DNAAF3: variants seen among roughly 807,000 people sequenced by gnomAD.
DNAAF3 encodes the protein UPF0470 protein C19orf51.
In DNAAF3, 40 loss-of-function variants were observed where a neutral mutation model predicts 50.9. That is an observed-to-expected ratio of 0.79 (90% CI 0.61 to 1.02). The LOEUF (loss-of-function observed/expected upper bound fraction) is 1.02, where lower values mean the gene tolerates loss of function less well. DNAAF3 is among the 50% of genes least tolerant of loss of function. The probability of loss-of-function intolerance (pLI) is 0.00; values close to 1 mark genes in which losing one functional copy is unlikely to be tolerated. For missense variants in DNAAF3, 763 were observed against 744.7 expected (o/e 1.02, Z -0.29); for synonymous variants, 327 against 322.8 (o/e 1.01, Z -0.14).
Position 55,166,271 on chromosome 19 carries a change from CCGT to C in DNAAF3, c.85+55_85+57del. Reference sequence around the variant, plus strand: ...CGCTGGGACTACGAGCTCTAAAAGGCCGTCTGCTCAGGCTGGGAAGGCAGACGG... The same window carrying C: ...CGCTGGGACTACGAGCTCTAAAAGGCCTGCTCAGGCTGGGAAGGCAGACGG... On this transcript the variant is annotated intron_variant, in intron 2 of 11. Transcript: ENST00000524407. The surrounding 1 kb of genome is among the most constrained non-coding windows in gnomAD (Gnocchi z 4.0). 1 of 1,589,322 alleles carries C rather than the reference CCGT, an allele frequency of 6.3e-7. No individual in the cohort carries two copies. The highest frequency in any genetic ancestry group is 1.8e-5 in the Admixed American group (1 of 55,860).
At chr19:55,164,003 G>GT (rs2085891614) in intron 4 of DNAAF3, among the ~76,000 whole-genome samples, 1 of 152,132 alleles carries the variant, frequency 6.6e-6, no homozygotes, top group African/African-American at 2.4e-5. Flanking sequence ...TCTCGTGATA[G>GT]TGAGTTCCCA....
At position 55,165,870 on chromosome 19, in the gene DNAAF3, G is replaced by A; in HGVS notation, c.216C>T (p.Arg72=). ...CATCCCAGCTCACGTTGAACCTCCT[G>A]CGAGGCCAGAACTTCGCTCGGGACA... ...RTLSRAKFWP[R]RRFNFFVLEN... The change falls in exon 3 of 12, where the codon CGC becomes CGT. Residue 72 remains arginine, a synonymous_variant. Coordinates refer to ENST00000524407, the MANE Select transcript of DNAAF3 (RefSeq NM_001256715.2). 6.2e-7 allele frequency: 1 copy of A among 1,614,086 alleles called. No homozygotes were observed. The highest frequency in any genetic ancestry group is 8.5e-7 in the Non-Finnish European group (1 of 1,180,016).
At position 55,166,350 on chromosome 19, in the gene DNAAF3, CCGG is replaced by C; in HGVS notation, c.61_63del (p.Pro21del). The C allele has an allele frequency of 6.2e-7, 1 of 1,613,692 alleles. No individual in the cohort carries two copies. The highest frequency in any genetic ancestry group is 8.5e-7 in the Non-Finnish European group (1 of 1,179,874). ...TCACTTTCAGCCTGCAGGTCCAGCG[CCGG>C]GGACAGGCCCCACCAGGACACGGAG... On this transcript the variant is annotated inframe_deletion, in exon 2 of 12. Transcript: ENST00000524407. The surrounding 1 kb of genome is among the most constrained non-coding windows in gnomAD (Gnocchi z 4.0).
chr19:55,161,505 C>T lies in DNAAF3; in HGVS notation c.664-87G>A. On this transcript the variant is annotated intron_variant, in intron 6 of 11. Coordinates refer to ENST00000524407, the MANE Select transcript of DNAAF3 (RefSeq NM_001256715.2). The surrounding 1 kb of genome is among the most constrained non-coding windows in gnomAD (Gnocchi z 6.4). The stretch of plus-strand genomic sequence containing the variant: ...CCAGCCTCCCTCAGACCCAGGAGTC[C>T]AGGTCCCCAGGCCCTCCTCCCTCAG... 1 of 1,510,100 alleles carries T rather than the reference C, an allele frequency of 6.6e-7. No individual in the cohort carries two copies. Among genetic ancestry groups the T allele is most frequent in the Non-Finnish European group, 8.8e-7 (1 of 1,131,912 alleles). The allele number at this position is 1,510,100 out of a possible 1,614,324, so 93.5% of individuals were successfully genotyped here. A position where few individuals can be genotyped will look rare whatever the true frequency, so the allele number is the denominator to read the frequency against.
chr19:55,165,917 C>G lies in DNAAF3; in HGVS notation c.169G>C (p.Gly57Arg), dbSNP rs751249317. ...GACAGGGTCCGCAGCAGGTGCCGTC[C>G]ATCCACAGAGCCCAGAAGCAGCACA... ...LDVLLLGSVD[G>R]RHLLRTLSRA... Residue 57 changes from glycine (G) to arginine (R), a missense_variant, in exon 3 of 12, where the codon GGA becomes CGA. Coordinates refer to ENST00000524407, the MANE Select transcript of DNAAF3 (RefSeq NM_001256715.2). The G allele has an allele frequency of 6.2e-7, 1 of 1,614,240 alleles. No individual in the cohort carries two copies. Among genetic ancestry groups the G allele is most frequent in the African/African-American group, 1.3e-5 (1 of 75,062 alleles).
chr19:55,162,474 T>G lies in DNAAF3; in HGVS notation c.323-184A>C, dbSNP rs1241389233. ...TGGTGGCGGGCGCCTGTAATCCCAG[T>G]TACTCGGGAGGCTGAGGCAGGAGAA... On this transcript the variant is annotated intron_variant, in intron 4 of 11. Transcript: ENST00000524407. 5.9e-6 allele frequency: 5 copies of G among 854,468 alleles called. No individual in the cohort carries two copies. The Admixed American group carries it at 2.2e-4, about 38-fold the overall frequency. The allele number at this position is 854,468 out of a possible 1,614,324, so 52.9% of individuals were successfully genotyped here. A position where few individuals can be genotyped will look rare whatever the true frequency, so the allele number is the denominator to read the frequency against.
Position 55,161,988 on chromosome 19 carries a change from A to G in DNAAF3, c.480+145T>C. The G allele has an allele frequency of 7.4e-7, 1 of 1,346,826 alleles. No homozygotes were observed. The highest frequency in any genetic ancestry group is 9.5e-7 in the Non-Finnish European group (1 of 1,047,920). The allele number at this position is 1,346,826 out of a possible 1,614,324, so 83.4% of individuals were successfully genotyped here. A position where few individuals can be genotyped will look rare whatever the true frequency, so the allele number is the denominator to read the frequency against. On this transcript the variant is annotated intron_variant, in intron 5 of 11. Transcript: ENST00000524407. The surrounding 1 kb of genome is among the most constrained non-coding windows in gnomAD (Gnocchi z 6.4). ...AAAGCAGAAGCCACCTCCTGCCCCC[A>G]GGCCAAATCCCACAGTGGGAGTCGG...
rs200324983 is a variant in DNAAF3, at chr19:55,159,889, C to A, written c.1163+10G>T. 5,459 of 1,613,046 alleles carry A rather than the reference C, an allele frequency of 3.4e-3. 19 individuals carry two copies. The highest frequency in any genetic ancestry group is 4.2e-3 in the Non-Finnish European group (4,922 of 1,179,312). On this transcript the variant is annotated intron_variant, in intron 10 of 11. Transcript: ENST00000524407. ...TGGGTCTTTGTGAGCACAGCTGCCT[C>A]CCCGCTTACCCACAGGCCACATAGA...
rs554543496 is a variant in DNAAF3 at position 55,161,600 on chromosome 19, A to C, written c.663+43T>G. ...AGGCCCCCAGCCCCTCCTCCCTCAGACCCAGGGGTCCAGGCCCCCAGCCCC... is the reference window on the plus strand; with the variant it reads ...AGGCCCCCAGCCCCTCCTCCCTCAGCCCCAGGGGTCCAGGCCCCCAGCCCC... On this transcript the variant is annotated intron_variant, in intron 6 of 11. Coordinates refer to ENST00000524407, the MANE Select transcript of DNAAF3 (RefSeq NM_001256715.2). The surrounding 1 kb of genome is among the most constrained non-coding windows in gnomAD (Gnocchi z 6.4). 1,019 of 1,503,540 alleles carry C rather than the reference A, an allele frequency of 6.8e-4. 1 individual carries two copies. The highest frequency in any genetic ancestry group is 8.0e-4 in the Non-Finnish European group (907 of 1,127,904). 93.1% of individuals were successfully genotyped at this position (1,503,540 alleles called of 1,614,324 possible). A position where few individuals can be genotyped will look rare whatever the true frequency, so the allele number is the denominator to read the frequency against.
rs1253487279 is a variant in DNAAF3, at chr19:55,161,374, T to C, written c.708A>G (p.Thr236=). 3.3e-6 allele frequency: 5 copies of C among 1,521,278 alleles called. No individual in the cohort carries two copies. The highest frequency in any genetic ancestry group is 4.4e-6 in the Non-Finnish European group (5 of 1,124,162). 94.2% of individuals were successfully genotyped at this position (1,521,278 alleles called of 1,614,324 possible). A position where few individuals can be genotyped will look rare whatever the true frequency, so the allele number is the denominator to read the frequency against. Residue 236 remains threonine, a synonymous_variant, in exon 7 of 12, where the codon ACA becomes ACG. Transcript: ENST00000524407. The surrounding 1 kb of genome is among the most constrained non-coding windows in gnomAD (Gnocchi z 6.4). ...HPQEFRRWRD[T]GVAFELRDSS... Reference sequence around the variant, plus strand: ...AGTCCCTGAGTTCAAAGGCGACGCCTGTGTCCCGCCAGCGTCGGAACTCCT... The same window carrying C: ...AGTCCCTGAGTTCAAAGGCGACGCCCGTGTCCCGCCAGCGTCGGAACTCCT...
Position 55,166,260 on chromosome 19 carries a change from G to A in DNAAF3, c.85+69C>T. ...CTTGCCACCGACGCTGGGACTACGA[G>A]CTCTAAAAGGCCGTCTGCTCAGGCT... is the stretch of plus-strand genomic sequence containing the variant. On this transcript the variant is annotated intron_variant, in intron 2 of 11. Transcript: ENST00000524407. The surrounding 1 kb of genome is among the most constrained non-coding windows in gnomAD (Gnocchi z 4.0). 4.4e-6 allele frequency: 7 copies of A among 1,576,006 alleles called. No individual in the cohort carries two copies. Among genetic ancestry groups the A allele is most frequent in the Non-Finnish European group, 6.0e-6 (7 of 1,160,652 alleles).
Position 55,161,966 on chromosome 19 carries a change from G to C in DNAAF3, c.481-141C>G, listed in dbSNP as rs1250848676. 1.4e-5 allele frequency: 19 copies of C among 1,356,946 alleles called. No individual in the cohort carries two copies. Among genetic ancestry groups the C allele is most frequent in the South Asian group, 1.7e-5 (1 of 59,742 alleles). The allele number at this position is 1,356,946 out of a possible 1,614,324, so 84.1% of individuals were successfully genotyped here. A position where few individuals can be genotyped will look rare whatever the true frequency, so the allele number is the denominator to read the frequency against. The stretch of plus-strand genomic sequence containing the variant: ...GGATGGAAAAACTGAGGCTCCGAAA[G>C]CAGAAGCCACCTCCTGCCCCCAGGC... On this transcript the variant is annotated intron_variant, in intron 5 of 11. Coordinates refer to ENST00000524407, the MANE Select transcript of DNAAF3 (RefSeq NM_001256715.2). This position sits in a 1 kb window ranked among gnomAD's most constrained non-coding sequence, Gnocchi z 6.4.
chr19:55,163,318 T>TA (rs2085877682), intron 4 of DNAAF3, among the ~76,000 whole-genome samples: 1 of 142,226 alleles, frequency 7.0e-6, no homozygotes, highest in Non-Finnish European at 1.5e-5. Context: ...GCTAATTTTT[T>TA]TTTTTTTTTT....
Position 55,159,377 on chromosome 19 carries a change from A to G in DNAAF3, c.1311T>C (p.Ala437=), listed in dbSNP as rs1192698483. 9 of 1,614,160 alleles carry G rather than the reference A, an allele frequency of 5.6e-6. No homozygotes were observed. Among genetic ancestry groups the G allele is most frequent in the Non-Finnish European group, 7.6e-6 (9 of 1,180,024 alleles). Residue 437 remains alanine, a synonymous_variant, in exon 12 of 12, where the codon GCT becomes GCC. Transcript: ENST00000524407. ...NTRVRELAQA[A]GFAPQTGARP... is the part of the protein sequence containing the mutation. ...TGGCCCCGGTCTGTGGAGCAAATCC[A>G]GCTGCCTGAGCTAGCTCCCTGACCC...
chr19:55,159,941 C>G lies in DNAAF3; in HGVS notation c.1121G>C (p.Ser374Thr), dbSNP rs756382837. 1 of 1,613,846 alleles carries G rather than the reference C, an allele frequency of 6.2e-7. No homozygotes were observed. The change falls in exon 10 of 12, where the codon AGC becomes ACC. Residue 374 changes from serine (S) to threonine (T), a missense_variant. Transcript: ENST00000524407. ...LNSAQTLHHKSCYNGRFQLLY... is the reference protein window; with the variant it reads ...LNSAQTLHHKTCYNGRFQLLY... ...GAGCTGGAATCGGCCGTTGTAGCAG[C>G]TCTTGTGGTGGAGAGTCTGAGCAGA...
At chr19:55,162,503 C>T in intron 4 of DNAAF3, 1 of 812,896 alleles carries the variant, frequency 1.2e-6, no homozygotes, top group Non-Finnish European at 1.6e-6. Context: ...AGGAGAATCG[C>T]TTGAACCCGG....
chr19:55,161,835 C>G lies in DNAAF3; in HGVS notation c.481-10G>C. On this transcript the variant is annotated splice_polypyrimidine_tract_variant and intron_variant, in intron 5 of 11. Transcript: ENST00000524407. This position sits in a 1 kb window ranked among gnomAD's most constrained non-coding sequence, Gnocchi z 6.4. Reference sequence around the variant, plus strand: ...CATCCCGCTCGCGGAACTGCGGGGCCAGGCACGCGGTGGGACAGAGGAAGG... The same window carrying G: ...CATCCCGCTCGCGGAACTGCGGGGCGAGGCACGCGGTGGGACAGAGGAAGG... 2 of 1,433,670 alleles carry G rather than the reference C, an allele frequency of 1.4e-6. No individual in the cohort carries two copies. The highest frequency in any genetic ancestry group is 1.8e-6 in the Non-Finnish European group (2 of 1,095,650). The allele number at this position is 1,433,670 out of a possible 1,614,324, so 88.8% of individuals were successfully genotyped here. A position where few individuals can be genotyped will look rare whatever the true frequency, so the allele number is the denominator to read the frequency against.
At position 55,160,939 on chromosome 19, in the gene DNAAF3, A is replaced by C; in HGVS notation, c.912+126T>G. ...GGGATGGGGCCTGTTCTCTGAATGG[A>C]GTCGTTCCCACCAAGCGACGGGCGG... On this transcript the variant is annotated intron_variant, in intron 8 of 11. Transcript: ENST00000524407. This position sits in a 1 kb window ranked among gnomAD's most constrained non-coding sequence, Gnocchi z 4.7. The C allele has an allele frequency of 6.9e-7, 1 of 1,449,052 alleles. No homozygotes were observed. The highest frequency in any genetic ancestry group is 9.1e-7 in the Non-Finnish European group (1 of 1,102,600). The allele number at this position is 1,449,052 out of a possible 1,614,324, so 89.8% of individuals were successfully genotyped here.
chr19:55,162,771 C>T (rs558854953), intron 4 of DNAAF3: 31 of 795,840 alleles, frequency 3.9e-5, no homozygotes, highest in Non-Finnish European at 4.7e-5. Flanking sequence ...AGATGATTTG[C>T]GGTGTATGGG....
Sources: gnomAD v4.1 joint callset for allele counts (sites outside exome capture counted in the v4.1 genomes callset) on GRCh38, gnomAD v4.1.1 for gene constraint, Gnocchi (gnomAD v3.1) non-coding constraint, MANE v1.5 for transcripts, NCBI Gene and HGNC (gene_info 2026-07-23, HGNC 2026-07-21) for gene names.